Variants in TMEM39A observed in about 807,000 individuals in gnomAD.
The protein encoded by TMEM39A is suppressor of SQST-1 aggregates in rpl-43 mutants.
A neutral mutation model predicts 51.9 loss-of-function variants in TMEM39A; 19 were observed. That is an observed-to-expected ratio of 0.37 (90% CI 0.26 to 0.54). The LOEUF (loss-of-function observed/expected upper bound fraction) is 0.54. Ranked by LOEUF, TMEM39A falls within the 20% of genes least tolerant of loss-of-function variation. TMEM39A has a pLI of 0.88. For synonymous variants in TMEM39A, 197 were observed against 220.2 expected, an observed-to-expected ratio of 0.89 and a Z score of 0.93; for missense variants, 433 against 590.5, an observed-to-expected ratio of 0.73 and a Z score of 2.76.
chr3:119,446,909 C>A lies in TMEM39A; in HGVS notation c.575+109G>T, dbSNP rs112881183. ...CATGGATTTCCCAGTTTTCTAAATG[C>A]TTCATTTATATTTGAAGAATTTCAT... On this transcript the variant is annotated intron_variant, in intron 5 of 8. Coordinates refer to ENST00000319172, the MANE Select transcript of TMEM39A (RefSeq NM_018266.3). The A allele has an allele frequency of 7.4e-5, 93 of 1,254,654 alleles. No individual in the cohort carries two copies. In the African/African-American group the frequency reaches 1.1e-3, roughly 15 times the overall value. 77.7% of individuals were successfully genotyped at this position (1,254,654 alleles called of 1,614,324 possible).
chr3:119,440,474 T>A (rs755085009), intron 5 of TMEM39A, among the ~76,000 whole-genome samples: 4 of 150,102 alleles, frequency 2.7e-5, no homozygotes, highest in Non-Finnish European at 6.0e-5. Flanking sequence ...GAAGACCAGA[T>A]GAAGGTTGAT....
chr3:119,452,551 T>C (rs1330929470), intron 3 of TMEM39A, 21 bp from the exon 4 acceptor site: 1 of 1,590,212 alleles, frequency 6.3e-7, no homozygotes, highest in East Asian at 2.2e-5. Flanking sequence ...AATAAATAAC[T>C]ACATCAGAAA....
chr3:119,459,295 A>T (rs1457630631), intron 2 of TMEM39A, among the ~76,000 whole-genome samples: 1 of 152,196 alleles, frequency 6.6e-6, no homozygotes, highest in Non-Finnish European at 1.5e-5. Context: ...TTGTCCTTGC[A>T]TATAAAGTTT....
intron 1 of TMEM39A, 121 bp from the exon 2 acceptor site, chr3:119,462,269 T>C (rs2081348574): frequency 2.2e-5 from 12 of 542,212 alleles, no homozygotes; most frequent in Middle Eastern, 4.9e-4. Flanking sequence ...ATGTTCCCAG[T>C]GTCTACTACT....
chr3:119,431,735 A>G lies in TMEM39A; in HGVS notation c.*246T>C, dbSNP rs200849977. On this transcript the variant is annotated 3_prime_UTR_variant, in exon 9 of 9. Coordinates refer to ENST00000319172, the MANE Select transcript of TMEM39A (RefSeq NM_018266.3). ...CGAATGAGTTATTCCAGAGCCATAC[A>G]AACAAATCAATCTCTTTACTGGACA... 9.9e-6 allele frequency: 3 copies of G among 303,840 alleles called. No individual in the cohort carries two copies. The East Asian group carries it at 1.8e-4, about 18-fold the overall frequency. 18.8% of individuals were successfully genotyped at this position (303,840 alleles called of 1,614,324 possible).
rs746080840 is a variant in TMEM39A, at chr3:119,438,084, G to C, written c.595C>G (p.Leu199Val). Residue 199 changes from leucine (L) to valine (V), a missense_variant, in exon 6 of 9, where the codon CTT (leucine) becomes GTT (valine). By Grantham distance (32) the Leu-to-Val change is conservative. Around this residue, in one of 3 missense-constraint regions of TMEM39A, gnomAD observed 40 missense variants for 22.6 expected, o/e 1.77. Transcript: ENST00000319172. ...CTACTATCTTGATGAAAACAGCAAAGAGGAACATAAACACCAAACCTGTAA... is the reference window on the plus strand; with the variant it reads ...CTACTATCTTGATGAAAACAGCAAACAGGAACATAAACACCAAACCTGTAA... ...LGYPFGVYVP[L>V]CCFHQDSRAH... The C allele has an allele frequency of 6.3e-7, 1 of 1,589,538 alleles. No individual in the cohort carries two copies. The highest frequency in any genetic ancestry group is 8.6e-7 in the Non-Finnish European group (1 of 1,159,898).
chr3:119,434,918 C>T (rs1436551227), intron 7 of TMEM39A, 36 bp from the exon 8 acceptor site: 2 of 1,603,394 alleles, frequency 1.2e-6, no homozygotes, highest in African/African-American at 2.7e-5. Context: ...AGCATATTGG[C>T]AATTACAGAT....
intron 6 of TMEM39A, 99 bp downstream of exon 6, chr3:119,437,656 A>C (rs2080989215): frequency 9.9e-7 from 1 of 1,009,408 alleles, no homozygotes; most frequent in Admixed American, 2.6e-5. Flanking sequence ...CAGGCTGCCA[A>C]AGGGGAGACA....
intron 5 of TMEM39A, among the ~76,000 whole-genome samples, chr3:119,442,932 G>A (rs2081074501): frequency 6.6e-6 from 1 of 151,992 alleles, no homozygotes; most frequent in South Asian, 2.1e-4. Context: ...CGGGTGTGGT[G>A]GCACACACCT....
chr3:119,444,437 A>G (rs2081096641), intron 5 of TMEM39A, among the ~76,000 whole-genome samples: 1 of 152,250 alleles, frequency 6.6e-6, no homozygotes. Flanking sequence ...CATTTTGTAG[A>G]AAACAAGGGT....
chr3:119,463,561 G>A lies in TMEM39A; in HGVS notation c.-300C>T, dbSNP rs1577070485. 2.5e-6 allele frequency: 1 copy of A among 398,840 alleles called. No homozygotes were observed. Among genetic ancestry groups the A allele is most frequent in the Non-Finnish European group, 4.4e-6 (1 of 226,226 alleles). The allele number at this position is 398,840 out of a possible 1,614,324, so 24.7% of individuals were successfully genotyped here. On this transcript the variant is annotated 5_prime_UTR_variant, in exon 1 of 9. Coordinates refer to ENST00000319172, the MANE Select transcript of TMEM39A (RefSeq NM_018266.3). ...AGTTCCAGTGCCAGAGCTAAAGCTA[G>A]AGCCAGAGCCTGATACTTCAGCACC...
intron 7 of TMEM39A, 112 bp from the exon 8 acceptor site, chr3:119,434,994 G>T: frequency 6.9e-7 from 1 of 1,442,136 alleles, no homozygotes; most frequent in Non-Finnish European, 9.2e-7. Context: ...GGCTTCATCT[G>T]CCTGAATTCT....
intron 3 of TMEM39A, among the ~76,000 whole-genome samples, chr3:119,452,789 A>T (rs1036657067): frequency 6.6e-6 from 1 of 152,242 alleles, no homozygotes; most frequent in African/African-American, 2.4e-5. Context: ...TTACTGTACT[A>T]AAAGGAAAAG....
intron 3 of TMEM39A, among the ~76,000 whole-genome samples, chr3:119,455,519 C>T (rs776805770): frequency 6.6e-6 from 1 of 152,098 alleles, no homozygotes; most frequent in African/African-American, 2.4e-5. Flanking sequence ...ACTCTAGATA[C>T]GATTTAGGTT....
Position 119,435,985 on chromosome 3 carries a change from G to C in TMEM39A, c.1112+806C>G, listed in dbSNP as rs540341643. 1.0e-5 allele frequency: 13 copies of C among 1,247,670 alleles called. No individual in the cohort carries two copies. The East Asian group carries it at 5.1e-4, about 49-fold the overall frequency. 77.3% of individuals were successfully genotyped at this position (1,247,670 alleles called of 1,614,324 possible). A position where few individuals can be genotyped will look rare whatever the true frequency, so the allele number is the denominator to read the frequency against. On this transcript the variant is annotated intron_variant, in intron 7 of 8. Coordinates refer to ENST00000319172, the MANE Select transcript of TMEM39A (RefSeq NM_018266.3). ...ATTGAAGGGAGAACTCTCAGGGGGA[G>C]AGGGAAAGGGAAGGTCACCTCAATC...
intron 7 of TMEM39A, 91 bp downstream of exon 7, chr3:119,436,700 A>T: frequency 7.3e-7 from 1 of 1,376,308 alleles, no homozygotes; most frequent in South Asian, 1.4e-5. Context: ...TAAATGTTCA[A>T]AGCCAAGAAC....
intron 8 of TMEM39A, among the ~76,000 whole-genome samples, chr3:119,432,741 T>C (rs1200578756): frequency 6.6e-6 from 1 of 152,158 alleles, no homozygotes; most frequent in Non-Finnish European, 1.5e-5. Context: ...AAGTCAAATA[T>C]GAATACAATA....
At chr3:119,436,737 A>G (rs2080972966) in intron 7 of TMEM39A, 54 bp downstream of exon 7, 2 of 1,519,508 alleles carry the variant, frequency 1.3e-6, no homozygotes, top group Non-Finnish European at 1.8e-6. Context: ...GCAAATAAAC[A>G]TGATCAGCAG....
intron 5 of TMEM39A, among the ~76,000 whole-genome samples, chr3:119,439,059 A>T (rs1217461947): frequency 6.6e-6 from 1 of 152,218 alleles, no homozygotes; most frequent in Non-Finnish European, 1.5e-5. Flanking sequence ...TTAATAAAAA[A>T]AAATTCTGGA....
Sources: allele counts gnomAD v4.1 joint callset (sites outside exome capture counted in the v4.1 genomes callset), GRCh38; gene constraint gnomAD v4.1.1; regional missense constraint gnomAD v4.1.1; transcripts MANE v1.5; gene names NCBI Gene and HGNC (gene_info 2026-07-23, HGNC 2026-07-21).